MSI2: variants seen among roughly 807,000 people sequenced by gnomAD.
MSI2 encodes the protein musashi RNA binding protein 2, also known as RNA-binding protein Musashi homolog 2.
MSI2 carries 17 observed loss-of-function variants against 45.6 expected under a neutral mutation model. The ratio of observed to expected loss-of-function variants is 0.37; its 90% CI spans 0.26 to 0.56. The LOEUF is 0.56. Among genes scored for constraint, MSI2 ranks in the 20% least tolerant of loss-of-function variants. The pLI, the probability that MSI2 is intolerant of heterozygous loss-of-function variation, is 0.77. For synonymous variants in MSI2, 156 were observed against 158.2 expected, an observed-to-expected ratio of 0.99 and a Z score of 0.11; for missense variants, 293 against 444.2, an observed-to-expected ratio of 0.66 and a Z score of 3.06.
chr17:57,532,210 T>C (rs939189003), intron 7 of MSI2: 8 of 152,204 alleles, frequency 5.3e-5, no homozygotes, highest in African/African-American at 1.9e-4. Flanking sequence ...AACTCTAAAA[T>C]GTGTGGAGCC....
At chr17:57,635,961 C>A (rs1909803981) in intron 10 of MSI2, among the ~76,000 whole-genome samples, 1 of 152,202 alleles carries the variant, frequency 6.6e-6, no homozygotes, top group Non-Finnish European at 1.5e-5. Context: ...TTCTTCGGCG[C>A]CAGGTGATTT....
chr17:57,430,567 T>C (rs2084575760), intron 6 of MSI2, among the ~76,000 whole-genome samples: 1 of 152,232 alleles, frequency 6.6e-6, no homozygotes. Flanking sequence ...TCTAAAGCAA[T>C]GGCCTTATTT....
At chr17:57,576,635 T>C (rs1238883790) in intron 7 of MSI2, among the ~76,000 whole-genome samples, 1 of 151,782 alleles carries the variant, frequency 6.6e-6, no homozygotes, top group Non-Finnish European at 1.5e-5. Context: ...ATGCCTGTAA[T>C]CCCAGCTACT....
At chr17:57,485,232 G>A (rs2085728832) in intron 6 of MSI2, among the ~76,000 whole-genome samples, 1 of 152,210 alleles carries the variant, frequency 6.6e-6, no homozygotes, top group African/African-American at 2.4e-5. Context: ...GAAGCCACAG[G>A]CCACACTGTT....
intron 5 of MSI2, among the ~76,000 whole-genome samples, chr17:57,316,322 CTTTT>C (rs35543887): frequency 7.1e-6 from 1 of 140,244 alleles, no homozygotes. Flanking sequence ...GTTATTGCTA[CTTTT>C]TTTTTTTTTT....
chr17:57,439,822 G>C (rs928539211), intron 6 of MSI2, among the ~76,000 whole-genome samples: 1 of 152,172 alleles, frequency 6.6e-6, no homozygotes, highest in Admixed American at 6.5e-5. Flanking sequence ...TACATTTCCA[G>C]GATTCTTAGC....
intron 11 of MSI2, among the ~76,000 whole-genome samples, chr17:57,670,620 G>A (rs959770297): frequency 1.3e-5 from 2 of 152,114 alleles, no homozygotes; most frequent in Non-Finnish European, 2.9e-5. Context: ...CGGTGAGATC[G>A]GTGTCCTTGC....
intron 5 of MSI2, among the ~76,000 whole-genome samples, chr17:57,385,454 C>G (rs768105810): frequency 1.3e-5 from 2 of 152,120 alleles, no homozygotes; most frequent in Non-Finnish European, 2.9e-5. Context: ...TCATTCGAGA[C>G]GAGCCTGGCC....
intron 11 of MSI2, among the ~76,000 whole-genome samples, chr17:57,666,695 A>G (rs888972312): frequency 2.0e-5 from 3 of 152,184 alleles, no homozygotes; most frequent in South Asian, 2.1e-4. Context: ...AGTGAGTGCA[A>G]TCACTTATAA....
chr17:57,271,531 G>A (rs986012874), intron 5 of MSI2, among the ~76,000 whole-genome samples: 10 of 152,114 alleles, frequency 6.6e-5, no homozygotes, highest in African/African-American at 2.2e-4. Flanking sequence ...TCTGGGGAGA[G>A]AGTGCTTCAG....
chr17:57,517,569 G>A (rs1567872629), intron 6 of MSI2, among the ~76,000 whole-genome samples: 2 of 152,138 alleles, frequency 1.3e-5, no homozygotes, highest in Non-Finnish European at 2.9e-5. Flanking sequence ...TGTACTGGGC[G>A]GGAAGTGGAA....
intron 6 of MSI2, among the ~76,000 whole-genome samples, chr17:57,509,533 G>A (rs1387486150): frequency 5.3e-5 from 8 of 152,132 alleles, no homozygotes; most frequent in Non-Finnish European, 1.0e-4. Context: ...TGACTCTCCT[G>A]CCTCAGCCTC....
chr17:57,575,147 T>TCCCCCCCCCCCCCCCCCCC (rs371180511), intron 7 of MSI2, among the ~76,000 whole-genome samples: 4 of 119,598 alleles, frequency 3.3e-5, no homozygotes, highest in African/African-American at 1.4e-4. Flanking sequence ...CTTTTTTAAC[T>TCCCCCCCCCCCCCCCCCCC]CCCTCCCCCC....
chr17:57,672,252 T>G (rs1380419245), intron 11 of MSI2, among the ~76,000 whole-genome samples: 4 of 152,152 alleles, frequency 2.6e-5, no homozygotes, highest in Non-Finnish European at 2.9e-5. Flanking sequence ...TTAGTGTCAT[T>G]TGATGGAGGA....
At chr17:57,524,596 T>A (rs993892694) in intron 6 of MSI2, among the ~76,000 whole-genome samples, 5 of 152,252 alleles carry the variant, frequency 3.3e-5, no homozygotes, top group Admixed American at 6.5e-5. Flanking sequence ...AAAGTTTATG[T>A]CATCCTAGTA....
intron 5 of MSI2, among the ~76,000 whole-genome samples, chr17:57,388,121 T>A (rs2083717250): frequency 6.6e-6 from 1 of 152,164 alleles, no homozygotes; most frequent in Admixed American, 6.5e-5. Context: ...TCTATGGCCC[T>A]CTTAGGTTTA....
At chr17:57,582,706 C>T (rs993982917) in intron 7 of MSI2, among the ~76,000 whole-genome samples, 1 of 152,200 alleles carries the variant, frequency 6.6e-6, no homozygotes, top group African/African-American at 2.4e-5. Flanking sequence ...TGAAATTCAG[C>T]TTGTAAATTT....
At chr17:57,570,157 A>C (rs1330912173) in intron 7 of MSI2, among the ~76,000 whole-genome samples, 1 of 152,242 alleles carries the variant, frequency 6.6e-6, no homozygotes, top group Non-Finnish European at 1.5e-5. Context: ...AAAAAGCTAT[A>C]AAATTTATAT....
chr17:57,353,049 C>T (rs997945203), intron 5 of MSI2, among the ~76,000 whole-genome samples: 6 of 152,294 alleles, frequency 3.9e-5, no homozygotes, highest in Non-Finnish European at 7.3e-5. Context: ...CCCACTGTGA[C>T]GCCTTTTATT....
Sources: gnomAD v4.1 joint callset for allele counts (sites outside exome capture counted in the v4.1 genomes callset) on GRCh38, gnomAD v4.1.1 for gene constraint, MANE v1.5 for transcripts, NCBI Gene and HGNC (gene_info 2026-07-23, HGNC 2026-07-21) for gene names.